KIF20B: variants seen among roughly 807,000 people sequenced by gnomAD.
KIF20B encodes kinesin family member 20B, also known as kinesin-like protein KIF20B.
Under a neutral mutation model 232.5 loss-of-function variants are expected in KIF20B, and 188 were observed. The ratio of observed to expected loss-of-function variants is 0.81; its 90% CI spans 0.72 to 0.91. KIF20B has a LOEUF of 0.91. Among genes scored for constraint, KIF20B ranks in the 40% least tolerant of loss-of-function variants. KIF20B has a pLI of 0.00. For synonymous variants in KIF20B, 712 were observed against 683.0 expected, an observed-to-expected ratio of 1.04 and a Z score of -0.66; for missense variants, 2,154 against 2,055.9, an observed-to-expected ratio of 1.05 and a Z score of -0.92.
Position 89,732,925 on chromosome 10 carries a change from T to A in KIF20B, c.2414T>A (p.Leu805Ter). 1 of 1,602,306 alleles carries A rather than the reference T, an allele frequency of 6.2e-7. No individual in the cohort carries two copies. The highest frequency in any genetic ancestry group is 8.5e-7 in the Non-Finnish European group (1 of 1,173,778). ...KCNDKADTSS[L>*]IINNKLICNE... is the part of the protein sequence containing the mutation. ...TAGGACAAGGCTGATACATCTTCTT[T>A]AATAATAAACAATAAATTGATTTGT... The change falls in exon 19 of 33, where the codon TTA (leucine) becomes TAA (stop). Residue 805 changes from leucine (L) to a stop codon, truncating the protein, a stop_gained. Transcript: ENST00000371728. LOFTEE classifies it high-confidence loss of function.
chr10:89,709,584 A>T (rs1320996060), intron 4 of KIF20B, 123 bp downstream of exon 4: 14 of 633,372 alleles, frequency 2.2e-5, no homozygotes, highest in Non-Finnish European at 3.6e-5. Context: ...GATTTTAAGG[A>T]TAAGACTCAA....
chr10:89,709,950 G>A lies in KIF20B; in HGVS notation c.375G>A (p.Gln125=). ...FSKVFGPATT[Q]KEFFQGCIMQ... is the part of the protein sequence containing the mutation. ...AGGTTTTTGGCCCAGCAACTACACAGAAGGAATTCTTTCAGGGTTGCATTA... is the reference window on the plus strand; with the variant it reads ...AGGTTTTTGGCCCAGCAACTACACAAAAGGAATTCTTTCAGGGTTGCATTA... The change falls in exon 5 of 33, where the codon CAG becomes CAA. Residue 125 remains glutamine, a synonymous_variant. Coordinates refer to ENST00000371728, the MANE Select transcript of KIF20B (RefSeq NM_001284259.2). 6.3e-7 allele frequency: 1 copy of A among 1,593,978 alleles called. No individual in the cohort carries two copies. The highest frequency in any genetic ancestry group is 8.5e-7 in the Non-Finnish European group (1 of 1,173,744).
chr10:89,757,034 G>GTATATATATA, intron 26 of KIF20B, among the ~76,000 whole-genome samples: 1 of 88,604 alleles, frequency 1.1e-5, no homozygotes, highest in Non-Finnish European at 2.3e-5. Flanking sequence ...GTGTGTGTGT[G>GTATATATATA]TGTGTGTATA....
intron 31 of KIF20B, among the ~76,000 whole-genome samples, chr10:89,769,217 A>G (rs117107854): frequency 0.013 from 2,030 of 151,996 alleles, 115 homozygotes; most frequent in East Asian, 0.1. Context: ...TATGGGAGAG[A>G]TGGGATTTAT....
chr10:89,713,351 ACTCT>A (rs1160630854), intron 6 of KIF20B, among the ~76,000 whole-genome samples: 1 of 139,168 alleles, frequency 7.2e-6, no homozygotes, highest in East Asian at 2.2e-4. Context: ...ACAGAGCAAG[ACTCT>A]CTCAAAAAAA....
In KIF20B at chr10:89,762,634, G is replaced by A. The variant is rs760455212; in HGVS notation, c.4792-4G>A. The A allele has an allele frequency of 6.2e-7, 1 of 1,606,370 alleles. No homozygotes were observed. Among genetic ancestry groups the A allele is most frequent in the Non-Finnish European group, 8.5e-7 (1 of 1,173,546 alleles). On this transcript the variant is annotated splice_region_variant and splice_polypyrimidine_tract_variant and intron_variant, in intron 28 of 32. Transcript: ENST00000371728. ...AATATTTTTCCTTTTACATTCTGTT[G>A]TAGGATGGATCTGTAGTCCTTGACT...
chr10:89,749,186 A>G (rs1227138913), intron 23 of KIF20B, among the ~76,000 whole-genome samples: 2 of 152,066 alleles, frequency 1.3e-5, no homozygotes, highest in African/African-American at 4.8e-5. Flanking sequence ...TTTTTTTAAA[A>G]TTATTTTTTC....
chr10:89,752,809 C>T, intron 25 of KIF20B, 118 bp downstream of exon 25: 1 of 645,638 alleles, frequency 1.5e-6, no homozygotes, highest in Non-Finnish European at 2.3e-6. Context: ...GAAATAATAC[C>T]TGGCAAATGT....
chr10:89,757,813 T>G (rs1459580831), intron 26 of KIF20B, among the ~76,000 whole-genome samples: 1 of 151,850 alleles, frequency 6.6e-6, no homozygotes, highest in East Asian at 1.9e-4. Flanking sequence ...GTATGTGTTG[T>G]AAGATTAGGG....
Position 89,738,984 on chromosome 10 carries a change from C to G in KIF20B, c.3803C>G (p.Ser1268Cys), listed in dbSNP as rs1306631899. Reference sequence around the variant, plus strand: ...TTGAAAGAGGAACTCTCTGCAAGCTCTGCTCGTACCCAGAATCTGAAAGCA... The same window carrying G: ...TTGAAAGAGGAACTCTCTGCAAGCTGTGCTCGTACCCAGAATCTGAAAGCA... Reference protein sequence around the residue: ...EKLKEELSASSARTQNLKADL... With the variant: ...EKLKEELSASCARTQNLKADL... Residue 1268 changes from serine to cysteine, a missense_variant, in exon 21 of 33, where the codon TCT becomes TGT. Ser to Cys is a moderately radical substitution (Grantham distance 112). Coordinates refer to ENST00000371728, the MANE Select transcript of KIF20B (RefSeq NM_001284259.2). The G allele has an allele frequency of 6.2e-7, 1 of 1,612,942 alleles. No homozygotes were observed. Among genetic ancestry groups the G allele is most frequent in the Non-Finnish European group, 8.5e-7 (1 of 1,179,504 alleles).
At chr10:89,742,344 T>G (rs1841817005) in intron 21 of KIF20B, among the ~76,000 whole-genome samples, 1 of 152,172 alleles carries the variant, frequency 6.6e-6, no homozygotes, top group African/African-American at 2.4e-5. Context: ...CCACTGGCGA[T>G]CTTGAAACAT....
intron 26 of KIF20B, among the ~76,000 whole-genome samples, chr10:89,757,065 T>TATATAC (rs1369603280): frequency 7.4e-6 from 1 of 135,198 alleles, no homozygotes; most frequent in Non-Finnish European, 1.5e-5. Flanking sequence ...TATATATATA[T>TATATAC]ATATACACAC....
chr10:89,705,147 A>G lies in KIF20B; in HGVS notation c.-1-147A>G, dbSNP rs944796066. The G allele has an allele frequency of 4.6e-6, 3 of 658,796 alleles. No individual in the cohort carries two copies. In the South Asian group the frequency reaches 5.5e-5, roughly 12 times the overall value. The allele number at this position is 658,796 out of a possible 1,614,324, so 40.8% of individuals were successfully genotyped here. ...TGATCTTTAGTCTTTCCTGTAGGGC[A>G]TTGTGTTATAAATGAAGCAATGTAA... On this transcript the variant is annotated intron_variant, in intron 1 of 32. Transcript: ENST00000371728.
chr10:89,756,188 A>T (rs1043186222), intron 26 of KIF20B, among the ~76,000 whole-genome samples: 1 of 152,192 alleles, frequency 6.6e-6, no homozygotes, highest in African/African-American at 2.4e-5. Context: ...CTCCCATAAA[A>T]AAGTTTACTT....
At chr10:89,707,130 TA>T (rs771593377) in intron 2 of KIF20B, among the ~76,000 whole-genome samples, 4 of 152,214 alleles carry the variant, frequency 2.6e-5, no homozygotes, top group Non-Finnish European at 4.4e-5. Flanking sequence ...AATATATTTA[TA>T]AACATTTTAT....
At chr10:89,714,138 G>T in intron 7 of KIF20B, 55 bp downstream of exon 7, 2 of 991,722 alleles carry the variant, frequency 2.0e-6, no homozygotes, top group South Asian at 4.1e-5. Flanking sequence ...AAGTACACTT[G>T]AAAAGCTTTT....
At chr10:89,718,669 GT>G in intron 11 of KIF20B, 40 bp from the exon 12 acceptor site, 2 of 1,515,444 alleles carry the variant, frequency 1.3e-6, no homozygotes, top group Non-Finnish European at 1.8e-6. Flanking sequence ...TTCATGAGAT[GT>G]TTTTTAACTT....
intron 21 of KIF20B, among the ~76,000 whole-genome samples, chr10:89,741,202 A>G (rs1465871736): frequency 6.6e-6 from 1 of 152,216 alleles, no homozygotes; most frequent in Non-Finnish European, 1.5e-5. Context: ...GGTTCATTGC[A>G]TGCAGAGTTC....
chr10:89,722,142 G>T (rs930823176), intron 13 of KIF20B, among the ~76,000 whole-genome samples: 1 of 152,068 alleles, frequency 6.6e-6, no homozygotes, highest in African/African-American at 2.4e-5. Flanking sequence ...TTGAACCCTT[G>T]GGCTCAGGCA....
Sources: allele counts gnomAD v4.1 joint callset (sites outside exome capture counted in the v4.1 genomes callset), GRCh38; gene constraint gnomAD v4.1.1; transcripts MANE v1.5; gene names NCBI Gene and HGNC (gene_info 2026-07-23, HGNC 2026-07-21).